Variants in NKAIN2 observed in about 807,000 individuals in gnomAD.
NKAIN2 encodes sodium/potassium-transporting ATPase subunit beta-1-interacting protein 2.
Under a neutral mutation model 32.6 loss-of-function variants are expected in NKAIN2, and 14 were observed. That is an observed-to-expected ratio of 0.43 (90% CI 0.28 to 0.67). NKAIN2 has a LOEUF of 0.67. NKAIN2 is among the 30% of genes least tolerant of loss of function. The pLI is 0.17. For synonymous variants in NKAIN2, 80 were observed against 87.2 expected (o/e 0.92, Z 0.46); for missense variants, 198 against 258.3 (o/e 0.77, Z 1.60).
intron 4 of NKAIN2, among the ~76,000 whole-genome samples, chr6:124,687,459 T>C (rs1774001054): frequency 9.2e-6 from 1 of 108,704 alleles, no homozygotes; most frequent in Non-Finnish European, 2.0e-5. Context: ...ATATATTCCA[T>C]ATATACACAT....
In NKAIN2 at chr6:124,212,597, G is replaced by T. The variant is rs554233127; in HGVS notation, c.55-70408G>T. 2.6e-5 allele frequency among the ~76,000 whole-genome samples: 4 copies of T among 152,154 alleles called. No homozygotes were observed. The South Asian group carries it at 8.3e-4, about 32-fold the overall frequency. ...AAGGAGATACTCATACACTTTCATA[G>T]TCATTGCTATATATTTCCACAATTC... On this transcript the variant is annotated intron_variant, in intron 1 of 6. Coordinates refer to ENST00000368417, the MANE Select transcript of NKAIN2 (RefSeq NM_001040214.3).
chr6:124,191,513 C>G (rs966513539), intron 1 of NKAIN2, among the ~76,000 whole-genome samples: 1 of 152,002 alleles, frequency 6.6e-6, no homozygotes, highest in Non-Finnish European at 1.5e-5. Flanking sequence ...TCCTTTTAGT[C>G]CTAAACTTTA....
At chr6:123,930,688 G>C (rs1256669335) in intron 1 of NKAIN2, among the ~76,000 whole-genome samples, 3 of 152,118 alleles carry the variant, frequency 2.0e-5, no homozygotes, top group Non-Finnish European at 2.9e-5. Context: ...CCCCTGATAT[G>C]TTTTTGTAAT....
At chr6:124,392,687 A>G (rs1028671973) in intron 3 of NKAIN2, among the ~76,000 whole-genome samples, 1 of 152,190 alleles carries the variant, frequency 6.6e-6, no homozygotes, top group African/African-American at 2.4e-5. Flanking sequence ...TATTTATGAT[A>G]GAAAAAAATA....
chr6:124,196,117 A>T (rs527397122), intron 1 of NKAIN2, among the ~76,000 whole-genome samples: 58 of 152,232 alleles, frequency 3.8e-4, no homozygotes, highest in African/African-American at 1.4e-3. Flanking sequence ...CTGATTTGAG[A>T]TTCCAGTCTT....
At chr6:123,990,480 C>G (rs942576043) in intron 1 of NKAIN2, among the ~76,000 whole-genome samples, 11 of 152,156 alleles carry the variant, frequency 7.2e-5, no homozygotes, top group African/African-American at 2.7e-4. Flanking sequence ...TAGGAGGTTA[C>G]ATTACGTTGT....
chr6:124,761,350 T>A (rs796702453), intron 4 of NKAIN2, among the ~76,000 whole-genome samples: 47 of 152,306 alleles, frequency 3.1e-4, no homozygotes, highest in African/African-American at 1.1e-3. Context: ...ACCCCATTTA[T>A]ACTCAGATGA....
intron 3 of NKAIN2, among the ~76,000 whole-genome samples, chr6:124,419,319 A>G (rs974584615): frequency 6.6e-6 from 1 of 152,148 alleles, no homozygotes; most frequent in African/African-American, 2.4e-5. Context: ...GTGACTCTGA[A>G]GTCTCATCTG....
chr6:124,633,128 T>C (rs1015971137), intron 3 of NKAIN2, among the ~76,000 whole-genome samples: 2 of 152,118 alleles, frequency 1.3e-5, no homozygotes, highest in African/African-American at 4.8e-5. Flanking sequence ...ATTGATAGGG[T>C]GACAAAGGGA....
chr6:124,601,475 C>G (rs1481553958), intron 3 of NKAIN2, among the ~76,000 whole-genome samples: 1 of 151,988 alleles, frequency 6.6e-6, no homozygotes, highest in Non-Finnish European at 1.5e-5. Context: ...TGCCACATAT[C>G]AAGCTTATTT....
intron 4 of NKAIN2, among the ~76,000 whole-genome samples, chr6:124,692,304 A>G (rs1774293554): frequency 6.6e-6 from 1 of 152,214 alleles, no homozygotes; most frequent in Admixed American, 6.5e-5. Flanking sequence ...ATAAATTTGC[A>G]TCAGAGTTTG....
At chr6:123,906,860 G>T (rs1337572325) in intron 1 of NKAIN2, among the ~76,000 whole-genome samples, 3 of 152,058 alleles carry the variant, frequency 2.0e-5, no homozygotes, top group African/African-American at 7.2e-5. Context: ...TTATTACTCA[G>T]GTTAAATAAG....
intron 1 of NKAIN2, among the ~76,000 whole-genome samples, chr6:123,809,277 T>C (rs1043124228): frequency 6.6e-6 from 1 of 152,166 alleles, no homozygotes; most frequent in East Asian, 1.9e-4. Context: ...GGAAACTTGA[T>C]TGTTGTTTAT....
chr6:124,387,362 A>G (rs1013121593), intron 3 of NKAIN2, among the ~76,000 whole-genome samples: 2 of 151,284 alleles, frequency 1.3e-5, no homozygotes, highest in Non-Finnish European at 2.9e-5. Flanking sequence ...GCCCCATTGC[A>G]TGAAACTGAA....
intron 3 of NKAIN2, among the ~76,000 whole-genome samples, chr6:124,561,592 A>T (rs903902334): frequency 6.6e-6 from 1 of 152,172 alleles, no homozygotes; most frequent in Admixed American, 6.5e-5. Context: ...CTTAAGATGT[A>T]TTGTTTTCTT....
chr6:124,139,150 G>A (rs575849618), intron 1 of NKAIN2, among the ~76,000 whole-genome samples: 2 of 135,474 alleles, frequency 1.5e-5, no homozygotes, highest in South Asian at 2.3e-4. Context: ...CTGCAGTGGC[G>A]CAATCTCGGC....
chr6:124,582,193 A>C (rs1781548676), intron 3 of NKAIN2, among the ~76,000 whole-genome samples: 1 of 152,200 alleles, frequency 6.6e-6, no homozygotes, highest in East Asian at 1.9e-4. Context: ...CATTACTACT[A>C]ATACCAGAAA....
At chr6:124,592,521 A>G (rs530687541) in intron 3 of NKAIN2, among the ~76,000 whole-genome samples, 3 of 152,342 alleles carry the variant, frequency 2.0e-5, no homozygotes, top group East Asian at 3.9e-4. Context: ...TTGAAAGGGC[A>G]TAGAATGGGA....
chr6:124,131,313 T>G lies in NKAIN2; in HGVS notation c.55-151692T>G, dbSNP rs78338749. Reference sequence around the variant, plus strand: ...GTGCATGCCGCCACGTCTGGCTATTTTTTGTATTGAGTTGGGTTTTAAAAT... The same window carrying G: ...GTGCATGCCGCCACGTCTGGCTATTGTTTGTATTGAGTTGGGTTTTAAAAT... On this transcript the variant is annotated intron_variant, in intron 1 of 6. Transcript: ENST00000368417. Among the ~76,000 whole-genome samples the G allele has an allele frequency of 7.5e-3, 1,139 of 152,202 alleles. 48 individuals carry two copies. The highest frequency in any genetic ancestry group is 0.063 in the Admixed American group (957 of 15,280).
Sources: allele counts gnomAD v4.1 joint callset (sites outside exome capture counted in the v4.1 genomes callset), GRCh38; gene constraint gnomAD v4.1.1; transcripts MANE v1.5; gene names NCBI Gene and HGNC (gene_info 2026-07-23, HGNC 2026-07-21).